RFC1: variants seen among roughly 807,000 people sequenced by gnomAD.
RFC1 encodes the protein A1 140 kDa subunit.
A neutral mutation model predicts 137.4 loss-of-function variants in RFC1; 37 were observed. The observed-to-expected ratio is 0.27, with a 90% CI of 0.21 to 0.35. RFC1 has a LOEUF of 0.35. RFC1 is among the 10% of genes least tolerant of loss of function. RFC1 has a pLI of 1.00. For synonymous variants in RFC1, 429 were observed against 455.7 expected (o/e 0.94, Z 0.75); for missense variants, 1,205 against 1,358.5 (o/e 0.89, Z 1.78).
In RFC1 at chr4:39,304,690, CTT is replaced by C. The variant is rs767031773; in HGVS notation, c.2110+122_2110+123del. The C allele has an allele frequency of 6.7e-5, 47 of 700,200 alleles. 1 individual carries two copies. The highest frequency in any genetic ancestry group is 5.0e-5 in the East Asian group (2 of 40,198). The allele number at this position is 700,200 out of a possible 1,614,324, so 43.4% of individuals were successfully genotyped here. A position where few individuals can be genotyped will look rare whatever the true frequency, so the allele number is the denominator to read the frequency against. ...TGATGTCAGACGGCTTTCTTATTCTCTTGTTAGCCCCAGAATTTAGTAGGGTG... is the reference window on the plus strand; with the variant it reads ...TGATGTCAGACGGCTTTCTTATTCTCGTTAGCCCCAGAATTTAGTAGGGTG... On this transcript the variant is annotated intron_variant, in intron 15 of 24. Coordinates refer to ENST00000349703, the MANE Select transcript of RFC1 (RefSeq NM_002913.5).
Position 39,300,253 on chromosome 4 carries a change from C to T in RFC1, c.2690+7G>A, listed in dbSNP as rs372286770. On this transcript the variant is annotated splice_region_variant and intron_variant, in intron 20 of 24. Coordinates refer to ENST00000349703, the MANE Select transcript of RFC1 (RefSeq NM_002913.5). Reference sequence around the variant, plus strand: ...AAGCACACCTCTCACCAGCTCTGGACACTCACCCTGCTGCTACAGGCTTCA... The same window carrying T: ...AAGCACACCTCTCACCAGCTCTGGATACTCACCCTGCTGCTACAGGCTTCA... The T allele has an allele frequency of 1.2e-6, 2 of 1,614,062 alleles. No homozygotes were observed. The highest frequency in any genetic ancestry group is 8.5e-7 in the Non-Finnish European group (1 of 1,179,932).
intron 4 of RFC1, 35 bp downstream of exon 4, chr4:39,342,310 C>T: frequency 6.3e-7 from 1 of 1,586,808 alleles, no homozygotes; most frequent in Non-Finnish European, 8.6e-7. Flanking sequence ...GAACATAACA[C>T]ACACGGCATC....
intron 1 of RFC1, among the ~76,000 whole-genome samples, chr4:39,365,988 G>GA (rs1468337659): frequency 6.6e-6 from 1 of 152,184 alleles, no homozygotes; most frequent in Non-Finnish European, 1.5e-5. Flanking sequence ...AGAGTGGGGG[G>GA]CGGGGGGAAA....
At chr4:39,306,061 C>G (rs1738632704) in intron 14 of RFC1, among the ~76,000 whole-genome samples, 1 of 152,186 alleles carries the variant, frequency 6.6e-6, no homozygotes, top group African/African-American at 2.4e-5. Context: ...AGTGCCTAAG[C>G]AAGTCAAGTT....
At position 39,323,353 on chromosome 4, in the gene RFC1, G is replaced by A; in HGVS notation, c.707C>T (p.Pro236Leu). Residue 236 changes from proline (P) to leucine (L), a missense_variant, in exon 7 of 25, where the codon CCC (proline) becomes CTC (leucine). Pro to Leu is a moderately conservative substitution (Grantham distance 98). Transcript: ENST00000349703. ...ARTLAMLDEE[P>L]KTKKARKDTE... ...ACATTATGCCACCTTTTTGGTCTTG[G>A]GTTCTTCATCCAACATGGCTAATGT... 6.2e-7 allele frequency: 1 copy of A among 1,613,914 alleles called. No individual in the cohort carries two copies. The highest frequency in any genetic ancestry group is 1.1e-5 in the South Asian group (1 of 91,072).
intron 12 of RFC1, among the ~76,000 whole-genome samples, chr4:39,309,342 T>G (rs1420691630): frequency 1.3e-5 from 2 of 152,194 alleles, no homozygotes; most frequent in Non-Finnish European, 2.9e-5. Flanking sequence ...GTTTCAAAGT[T>G]TCCTAATTAA....
intron 21 of RFC1, among the ~76,000 whole-genome samples, chr4:39,298,182 C>A (rs776916331): frequency 6.6e-6 from 1 of 152,046 alleles, no homozygotes; most frequent in Admixed American, 6.6e-5. Flanking sequence ...ATGGCGCACA[C>A]CTATGGTCCC....
At chr4:39,322,900 A>G (rs1486866131) in intron 7 of RFC1, among the ~76,000 whole-genome samples, 1 of 151,922 alleles carries the variant, frequency 6.6e-6, no homozygotes, top group Non-Finnish European at 1.5e-5. Flanking sequence ...CCTGGCCAAC[A>G]TAACAAAACC....
At chr4:39,354,610 A>C (rs1389041108) in intron 1 of RFC1, among the ~76,000 whole-genome samples, 2 of 152,140 alleles carry the variant, frequency 1.3e-5, no homozygotes, top group African/African-American at 4.8e-5. Context: ...AAAGTGCCAT[A>C]AACAAAGTTA....
intron 1 of RFC1, among the ~76,000 whole-genome samples, chr4:39,364,891 T>C (rs1741943384): frequency 6.6e-6 from 1 of 152,126 alleles, no homozygotes; most frequent in Admixed American, 6.6e-5. Flanking sequence ...AATATAACTA[T>C]AAATTAATAT....
Position 39,288,704 on chromosome 4 carries a change from C to A in RFC1, c.*57G>T. On this transcript the variant is annotated 3_prime_UTR_variant, in exon 25 of 25. Coordinates refer to ENST00000349703, the MANE Select transcript of RFC1 (RefSeq NM_002913.5). ...GGAAAAAACAAGGCTTTCTCTAGAC[C>A]AGCTGGACTGGTCAGGAGGGAGAGT... is the stretch of plus-strand genomic sequence containing the variant. 1.8e-6 allele frequency: 2 copies of A among 1,101,046 alleles called. No individual in the cohort carries two copies. The highest frequency in any genetic ancestry group is 2.8e-6 in the Non-Finnish European group (2 of 724,356). 68.2% of individuals were successfully genotyped at this position (1,101,046 alleles called of 1,614,324 possible). A position where few individuals can be genotyped will look rare whatever the true frequency, so the allele number is the denominator to read the frequency against.
At position 39,290,102 on chromosome 4, in the gene RFC1, T is replaced by G. The variant is rs567701742; in HGVS notation, c.3169-63A>C. 6.3e-6 allele frequency: 8 copies of G among 1,274,294 alleles called. 1 individual carries two copies. Among genetic ancestry groups the G allele is most frequent in the Non-Finnish European group, 8.9e-6 (8 of 901,446 alleles). The allele number at this position is 1,274,294 out of a possible 1,614,324, so 78.9% of individuals were successfully genotyped here. A position where few individuals can be genotyped will look rare whatever the true frequency, so the allele number is the denominator to read the frequency against. ...AGTCCCAAACAATTCTTTTAAACTC[T>G]GTAAGCCTAAAGAGACCCTGGGAGC... is the stretch of plus-strand genomic sequence containing the variant. On this transcript the variant is annotated intron_variant, in intron 23 of 24. Coordinates refer to ENST00000349703, the MANE Select transcript of RFC1 (RefSeq NM_002913.5).
chr4:39,361,217 C>T (rs994377271), intron 1 of RFC1, among the ~76,000 whole-genome samples: 2 of 152,002 alleles, frequency 1.3e-5, no homozygotes, highest in Admixed American at 6.6e-5. Flanking sequence ...GACAAAACCC[C>T]GTCTCTGCTA....
chr4:39,345,083 T>C lies in RFC1; in HGVS notation c.208+318A>G, dbSNP rs545233470. On this transcript the variant is annotated intron_variant, in intron 3 of 24. Coordinates refer to ENST00000349703, the MANE Select transcript of RFC1 (RefSeq NM_002913.5). ...CCAGATTGGAGTGCAGTGGCGATCTTGGCTCACTGCAACCTCTGCCTCTGG... is the reference window on the plus strand; with the variant it reads ...CCAGATTGGAGTGCAGTGGCGATCTCGGCTCACTGCAACCTCTGCCTCTGG... Among the ~76,000 whole-genome samples the C allele has an allele frequency of 4.1e-4, 62 of 152,154 alleles. No homozygotes were observed. In the South Asian group the frequency reaches 0.012, roughly 30 times the overall value.
chr4:39,304,348 A>G (rs1482653276), intron 15 of RFC1, among the ~76,000 whole-genome samples: 1 of 152,076 alleles, frequency 6.6e-6, no homozygotes, highest in Admixed American at 6.5e-5. Flanking sequence ...TTTCTTTCTC[A>G]TTCTTTGAGG....
intron 14 of RFC1, among the ~76,000 whole-genome samples, chr4:39,306,390 C>T (rs1238723148): frequency 1.3e-5 from 2 of 152,112 alleles, no homozygotes; most frequent in African/African-American, 4.8e-5. Flanking sequence ...CTTTAATTAC[C>T]AATATTTTAA....
chr4:39,305,043 G>C (rs1298235260), intron 14 of RFC1, 115 bp from the exon 15 acceptor site: 1 of 714,988 alleles, frequency 1.4e-6, no homozygotes, highest in Non-Finnish European at 2.5e-6. Flanking sequence ...AAAACCCATA[G>C]GTAAAGTATA....
In RFC1 at chr4:39,312,879, T is replaced by G. The variant is rs756529258; in HGVS notation, c.1256A>C (p.Glu419Ala). ...GLIFVITGVL[E>A]SIERDEAKSL... ...CTTGGCCTCATCTCGTTCAATAGAC[T>G]CCAGCACGCCTGTGATTACAAATAT... The change falls in exon 11 of 25, where the codon GAG becomes GCG. Residue 419 changes from glutamate (E) to alanine (A), a missense_variant. Physicochemically the swap from Glu to Ala is moderately radical, Grantham distance 107. Coordinates refer to ENST00000349703, the MANE Select transcript of RFC1 (RefSeq NM_002913.5). The G allele has an allele frequency of 6.2e-7, 1 of 1,614,056 alleles. No individual in the cohort carries two copies. Among genetic ancestry groups the G allele is most frequent in the South Asian group, 1.1e-5 (1 of 91,070 alleles).
At chr4:39,335,102 A>G (rs1198812604) in intron 4 of RFC1, among the ~76,000 whole-genome samples, 2 of 152,216 alleles carry the variant, frequency 1.3e-5, no homozygotes, top group African/African-American at 4.8e-5. Context: ...AATACACAAA[A>G]AGCAAATTAA....
Sources: gnomAD v4.1 joint callset for allele counts (sites outside exome capture counted in the v4.1 genomes callset) on GRCh38, gnomAD v4.1.1 for gene constraint, MANE v1.5 for transcripts, NCBI Gene and HGNC (gene_info 2026-07-23, HGNC 2026-07-21) for gene names.